Variants in BMS1 observed in about 807,000 individuals in gnomAD.
BMS1 encodes the protein BMS1 ribosome biogenesis factor, also known as ribosome biogenesis protein BMS1 homolog.
Under a neutral mutation model 138.7 loss-of-function variants are expected in BMS1, and 53 were observed. That is an observed-to-expected ratio of 0.38 (90% CI 0.31 to 0.48). The LOEUF (loss-of-function observed/expected upper bound fraction) is 0.48. Ranked by LOEUF, BMS1 falls within the 20% of genes least tolerant of loss-of-function variation. BMS1 has a pLI of 0.97. For synonymous variants in BMS1, 504 were observed against 539.9 expected (o/e 0.93, Z 0.92); for missense variants, 1,360 against 1,565.5 (o/e 0.87, Z 2.22).
At chr10:42,811,752 C>T (rs1842191563) in intron 13 of BMS1, among the ~76,000 whole-genome samples, 1 of 150,444 alleles carries the variant, frequency 6.6e-6, no homozygotes, top group Admixed American at 6.6e-5. Context: ...TCTCGATCTC[C>T]TGACCTCGTG....
At position 42,820,565 on chromosome 10, in the gene BMS1, A is replaced by G. The variant is rs151187894; in HGVS notation, c.2827A>G (p.Ile943Val). Residue 943 changes from isoleucine to valine, a missense_variant, in exon 17 of 23, where the codon ATA (isoleucine) becomes GTA (valine). Ile to Val is a conservative substitution (Grantham distance 29). This residue lies in a region of BMS1 where 425 missense variants were observed against 568.3 expected (regional missense o/e 0.75). Coordinates refer to ENST00000374518, the MANE Select transcript of BMS1 (RefSeq NM_014753.4). ...AATCCTCAAGTCCCGAGATCCAATC[A>G]TATTTTCTGTAGGGTGGAGGAGGTT... ...KKILKSRDPI[I>V]FSVGWRRFQT... 531 of 1,611,520 alleles carry G rather than the reference A, an allele frequency of 3.3e-4. No homozygotes were observed. Among genetic ancestry groups the G allele is most frequent in the Middle Eastern group, 1.1e-3 (5 of 4,428 alleles).
intron 8 of BMS1, among the ~76,000 whole-genome samples, chr10:42,793,368 A>G (rs9422448): frequency 0.055 from 8,418 of 151,842 alleles, 326 homozygotes; most frequent in East Asian, 0.12. Context: ...TCCTTGATCC[A>G]TGGCCCCAGC....
chr10:42,796,306 T>G (rs1183124341), intron 9 of BMS1, among the ~76,000 whole-genome samples, 168 bp from the exon 10 acceptor site: 1 of 152,216 alleles, frequency 6.6e-6, no homozygotes, highest in Non-Finnish European at 1.5e-5. Flanking sequence ...CGAGTTTGCT[T>G]CTTAACTCTT....
chr10:42,823,582 G>A (rs1478934664), intron 20 of BMS1, 27 bp from the exon 21 acceptor site: 1 of 1,491,274 alleles, frequency 6.7e-7, no homozygotes, highest in Non-Finnish European at 8.9e-7. Context: ...TTTTGAAAAT[G>A]TTAAAGTAAA....
At position 42,792,952 on chromosome 10, in the gene BMS1, T is replaced by C; in HGVS notation, c.902-5T>C. 6.2e-7 allele frequency: 1 copy of C among 1,608,570 alleles called. No individual in the cohort carries two copies. The highest frequency in any genetic ancestry group is 8.5e-7 in the Non-Finnish European group (1 of 1,177,810). On this transcript the variant is annotated splice_region_variant and splice_polypyrimidine_tract_variant and intron_variant, in intron 7 of 22. Coordinates refer to ENST00000374518, the MANE Select transcript of BMS1 (RefSeq NM_014753.4). ...TGAAGCTGGCTTTTGGGTTCTGTCT[T>C]CCAGGGGTAGGAGATTTTGCCGTGA...
At chr10:42,812,325 T>C (rs1183577804) in intron 13 of BMS1, among the ~76,000 whole-genome samples, 1 of 152,188 alleles carries the variant, frequency 6.6e-6, no homozygotes, top group East Asian at 1.9e-4. Context: ...TCAAAATTTT[T>C]TGGAGAGACA....
At chr10:42,805,820 G>A (rs1475597279) in intron 13 of BMS1, among the ~76,000 whole-genome samples, 1 of 151,874 alleles carries the variant, frequency 6.6e-6, no homozygotes, top group African/African-American at 2.4e-5. Context: ...CTGTTTTTGA[G>A]ACAGAGTCTC....
chr10:42,824,136 G>A (rs187565193), intron 21 of BMS1, among the ~76,000 whole-genome samples: 70 of 152,184 alleles, frequency 4.6e-4, no homozygotes, highest in African/African-American at 1.6e-3. Flanking sequence ...ATTTTTTTGT[G>A]TGTAACAGGA....
At chr10:42,830,520 GGGC>G in intron 22 of BMS1, 98 bp downstream of exon 22, 1 of 1,462,044 alleles carries the variant, frequency 6.8e-7, no homozygotes, top group Middle Eastern at 1.8e-4. Flanking sequence ...CAGTTATTCA[GGGC>G]ACTGGAACTA....
intron 4 of BMS1, among the ~76,000 whole-genome samples, chr10:42,788,293 A>G (rs1841399101): frequency 6.6e-6 from 1 of 152,190 alleles, no homozygotes; most frequent in South Asian, 2.1e-4. Flanking sequence ...TCTTTTATTT[A>G]AAATGTAGCA....
chr10:42,823,801 T>G lies in BMS1; in HGVS notation c.3456+17T>G. ...CTGTATAAGGTACTGGTCGCGTGTG[T>G]GTTAGTGGAGATGAAGCCTGTGCTC... On this transcript the variant is annotated intron_variant, in intron 21 of 22. Transcript: ENST00000374518. 6.6e-7 allele frequency: 1 copy of G among 1,523,918 alleles called. No homozygotes were observed. Among genetic ancestry groups the G allele is most frequent in the South Asian group, 1.3e-5 (1 of 75,278 alleles). The allele number at this position is 1,523,918 out of a possible 1,614,324, so 94.4% of individuals were successfully genotyped here. A position where few individuals can be genotyped will look rare whatever the true frequency, so the allele number is the denominator to read the frequency against.
At chr10:42,825,533 A>T (rs552215099) in intron 21 of BMS1, among the ~76,000 whole-genome samples, 1 of 152,228 alleles carries the variant, frequency 6.6e-6, no homozygotes, top group African/African-American at 2.4e-5. Flanking sequence ...GTTTATTCCT[A>T]AGTTTTTGTT....
chr10:42,804,148 A>G (rs969508001), intron 13 of BMS1, among the ~76,000 whole-genome samples: 1 of 152,234 alleles, frequency 6.6e-6, no homozygotes, highest in African/African-American at 2.4e-5. Context: ...TTGATAAACA[A>G]TTATTTCCAG....
Position 42,818,982 on chromosome 10 carries a change from C to G in BMS1, c.2581-1254C>G, listed in dbSNP as rs75754291. On this transcript the variant is annotated intron_variant, in intron 15 of 22. Transcript: ENST00000374518. Reference sequence around the variant, plus strand: ...GGCAGAGTTCACCACTGGAGGAGTCCTTCAGCGTGGAGGCCTTCAGCAATC... The same window carrying G: ...GGCAGAGTTCACCACTGGAGGAGTCGTTCAGCGTGGAGGCCTTCAGCAATC... Among the ~76,000 whole-genome samples the G allele has an allele frequency of 9.7e-3, 1,481 of 152,276 alleles. 56 individuals carry two copies. In the East Asian group the frequency reaches 0.11, roughly 11 times the overall value.
Position 42,831,195 on chromosome 10 carries a change from C to T in BMS1, c.*99C>T. 1 of 1,233,352 alleles carries T rather than the reference C, an allele frequency of 8.1e-7. No homozygotes were observed. Among genetic ancestry groups the T allele is most frequent in the South Asian group, 1.6e-5 (1 of 64,118 alleles). 76.4% of individuals were successfully genotyped at this position (1,233,352 alleles called of 1,614,324 possible). A position where few individuals can be genotyped will look rare whatever the true frequency, so the allele number is the denominator to read the frequency against. On this transcript the variant is annotated 3_prime_UTR_variant, in exon 23 of 23. Transcript: ENST00000374518. ...TGAATGACAAGTCAGTGGGAAAGAG[C>T]TCAAGAGATGTCTCTACTCAAACTG...
intron 13 of BMS1, among the ~76,000 whole-genome samples, chr10:42,810,536 TC>T (rs1216322792): frequency 6.6e-6 from 1 of 152,200 alleles, no homozygotes; most frequent in African/African-American, 2.4e-5. Flanking sequence ...TTGCAAAGTG[TC>T]CCCTATTCTG....
chr10:42,802,116 G>A (rs1539295), intron 12 of BMS1, 21 bp from the exon 13 acceptor site: 136,083 of 1,588,794 alleles, frequency 0.086, 6,573 homozygotes, highest in African/African-American at 0.18. Context: ...CCTCACCTAA[G>A]TGCTGACTTT....
chr10:42,783,524 A>G (rs1206191151), intron 1 of BMS1, among the ~76,000 whole-genome samples: 4 of 152,184 alleles, frequency 2.6e-5, no homozygotes, highest in Admixed American at 6.5e-5. Context: ...CGGAATGAAT[A>G]CAGTACCTTA....
intron 2 of BMS1, 33 bp from the exon 3 acceptor site, chr10:42,785,449 T>C: frequency 6.5e-7 from 1 of 1,543,302 alleles, no homozygotes. Flanking sequence ...ATGAGTTTAC[T>C]ATTTATTTAT....
Sources: allele counts gnomAD v4.1 joint callset (sites outside exome capture counted in the v4.1 genomes callset), GRCh38; gene constraint gnomAD v4.1.1; regional missense constraint gnomAD v4.1.1; transcripts MANE v1.5; gene names NCBI Gene and HGNC (gene_info 2026-07-23, HGNC 2026-07-21).